Variants in C12orf42 observed in about 807,000 individuals in gnomAD.
C12orf42 encodes chromosome 12 open reading frame 42, also known as uncharacterized protein C12orf42.
A neutral mutation model predicts 21.6 loss-of-function variants in C12orf42; 25 were observed. The observed-to-expected ratio is 1.16, with a 90% CI of 0.84 to 1.62. The LOEUF (loss-of-function observed/expected upper bound fraction) is 1.62. Among genes scored for constraint, C12orf42 ranks in the 40% most tolerant of loss-of-function variants. The probability of loss-of-function intolerance (pLI) is 0.00; values close to 1 mark genes in which losing one functional copy is unlikely to be tolerated. For missense variants in C12orf42, 483 were observed against 459.3 expected (o/e 1.05, Z -0.47); for synonymous variants, 174 against 175.0 (o/e 0.99, Z 0.05).
chr12:103,231,531 C>T, the C12orf42 span, among the ~76,000 whole-genome samples: 1 of 152,168 alleles, frequency 6.6e-6, no homozygotes, highest in African/African-American at 2.4e-5. Flanking sequence ...TTTCACTTTT[C>T]CAGAATATCG....
intron 2 of C12orf42, among the ~76,000 whole-genome samples, chr12:103,420,227 T>C (rs924406384): frequency 6.6e-6 from 1 of 152,218 alleles, no homozygotes; most frequent in East Asian, 1.9e-4. Context: ...TTCAAACAAC[T>C]TGGTTTTGTC....
chr12:103,294,389 AAAAG>A (rs10579611), intron 4 of C12orf42, among the ~76,000 whole-genome samples: 13,978 of 118,718 alleles, frequency 0.12, 1,152 homozygotes, highest in African/African-American at 0.21. Flanking sequence ...AGAAAGAAGA[AAAAG>A]AAAGAAAGAA....
At chr12:103,222,289 G>T in the C12orf42 span, among the ~76,000 whole-genome samples, 16 of 151,268 alleles carry the variant, frequency 1.1e-4, no homozygotes, top group East Asian at 2.9e-3. Context: ...GTCAAAGGGG[G>T]TTTGTTCTCT....
the C12orf42 span, among the ~76,000 whole-genome samples, chr12:103,223,266 G>A: frequency 6.6e-6 from 1 of 152,086 alleles, no homozygotes; most frequent in Admixed American, 6.6e-5. Context: ...GGGCGTCGTG[G>A]GAACCTAGAG....
chr12:103,064,401 A>G, the C12orf42 span, among the ~76,000 whole-genome samples: 19 of 152,368 alleles, frequency 1.2e-4, no homozygotes, highest in Middle Eastern at 0.01. Flanking sequence ...ACCAATCAGA[A>G]TAGCCTGACC....
the C12orf42 span, among the ~76,000 whole-genome samples, chr12:103,529,315 G>C: frequency 1.3e-5 from 2 of 152,198 alleles, no homozygotes; most frequent in African/African-American, 4.8e-5. Context: ...TTTTAAATAA[G>C]CAAGGATATA....
At chr12:103,216,067 C>T in the C12orf42 span, among the ~76,000 whole-genome samples, 2 of 152,164 alleles carry the variant, frequency 1.3e-5, no homozygotes, top group African/African-American at 4.8e-5. Flanking sequence ...TGGTCAAAGT[C>T]ACCGATCACA....
At chr12:103,203,495 T>C in the C12orf42 span, among the ~76,000 whole-genome samples, 1 of 152,178 alleles carries the variant, frequency 6.6e-6, no homozygotes, top group Admixed American at 6.5e-5. Flanking sequence ...AGCTCATAAT[T>C]ACTTTAAAAA....
At position 103,439,723 on chromosome 12, in the gene C12orf42, A is replaced by C. The variant is rs868820985; in HGVS notation, c.79-38048T>G. Among the ~76,000 whole-genome samples the C allele has an allele frequency of 8.4e-3, 1,271 of 152,178 alleles. 18 individuals carry two copies. The highest frequency in any genetic ancestry group is 0.029 in the African/African-American group (1,194 of 41,476). On this transcript the variant is annotated intron_variant, in intron 2 of 5. Transcript: ENST00000548883. ...CCAGAATGAGATACCATCTCACACC[A>C]GTTAGAGTGGCAATCATTAAAAAGT... is the stretch of plus-strand genomic sequence containing the variant.
intron 4 of C12orf42, among the ~76,000 whole-genome samples, chr12:103,352,821 A>C (rs1265832486): frequency 5.9e-5 from 9 of 152,142 alleles, no homozygotes; most frequent in Admixed American, 5.9e-4. Context: ...ATTTTTTATG[A>C]GGATTAAATG....
rs367770140 is a variant in C12orf42, at chr12:103,411,862, A to AAC, written c.79-10189_79-10188dup. ...ACATGTGTGCACATGCATGCACACA[A>AAC]ACACACACACACATACACAGAGGGA... On this transcript the variant is annotated intron_variant, in intron 2 of 5. Transcript: ENST00000548883. Among the ~76,000 whole-genome samples, 11 of 152,224 alleles carry AAC rather than the reference A, an allele frequency of 7.2e-5. No individual in the cohort carries two copies. In the South Asian group the frequency reaches 2.3e-3, roughly 32 times the overall value.
chr12:103,528,377 C>T, the C12orf42 span, among the ~76,000 whole-genome samples: 49 of 152,302 alleles, frequency 3.2e-4, no homozygotes, highest in African/African-American at 1.2e-3. Flanking sequence ...ATTCCTTTGC[C>T]TGATGCTATA....
At chr12:103,279,175 A>G (rs1373797426) in intron 4 of C12orf42, among the ~76,000 whole-genome samples, 6 of 152,194 alleles carry the variant, frequency 3.9e-5, no homozygotes, top group African/African-American at 9.6e-5. Context: ...ACAATACTTT[A>G]TTATATGCTT....
the C12orf42 span, among the ~76,000 whole-genome samples, chr12:103,562,378 T>G: frequency 6.6e-6 from 1 of 152,184 alleles, no homozygotes; most frequent in Non-Finnish European, 1.5e-5. Flanking sequence ...TACCTGCCAT[T>G]GTGTTAGCAC....
chr12:103,533,499 T>A, the C12orf42 span, among the ~76,000 whole-genome samples: 1 of 152,204 alleles, frequency 6.6e-6, no homozygotes, highest in Admixed American at 6.5e-5. Context: ...CGGGTCTATG[T>A]AAACAGTAAA....
chr12:103,481,994 A>G (rs1479014795), intron 1 of C12orf42, among the ~76,000 whole-genome samples: 1 of 152,076 alleles, frequency 6.6e-6, no homozygotes, highest in Non-Finnish European at 1.5e-5. Flanking sequence ...GTTCTTTAAC[A>G]TGGACCACCC....
At chr12:103,537,166 T>C in the C12orf42 span, among the ~76,000 whole-genome samples, 63 of 152,296 alleles carry the variant, frequency 4.1e-4, no homozygotes, top group South Asian at 0.012. Flanking sequence ...TGTTTTTTAT[T>C]TATGTTCCCT....
At chr12:103,501,442 C>T in the C12orf42 span, among the ~76,000 whole-genome samples, 1 of 152,126 alleles carries the variant, frequency 6.6e-6, no homozygotes, top group Non-Finnish European at 1.5e-5. Context: ...GTAAATACTC[C>T]CACTATGGTG....
At chr12:103,274,831 A>G (rs898027535) in intron 5 of C12orf42, among the ~76,000 whole-genome samples, 1 of 152,196 alleles carries the variant, frequency 6.6e-6, no homozygotes, top group African/African-American at 2.4e-5. Context: ...TATGCTTTCA[A>G]TCTGGCCAAA....
Sources: gnomAD v4.1 joint callset for allele counts (sites outside exome capture counted in the v4.1 genomes callset) on GRCh38, gnomAD v4.1.1 for gene constraint, MANE v1.5 for transcripts, NCBI Gene and HGNC (gene_info 2026-07-23, HGNC 2026-07-21) for gene names.